LMTK2: variants seen among roughly 807,000 people sequenced by gnomAD.
The protein encoded by LMTK2 is serine/threonine-protein kinase LMTK2.
Under a neutral mutation model 127.5 loss-of-function variants are expected in LMTK2, and 37 were observed. That is an observed-to-expected ratio of 0.29 (90% CI 0.22 to 0.38). The LOEUF is 0.38. Among genes scored for constraint, LMTK2 ranks in the 10% least tolerant of loss-of-function variants. The pLI is 1.00. For synonymous variants in LMTK2, 819 were observed against 810.1 expected (o/e 1.01, Z -0.19); for missense variants, 1,694 against 1,920.3 (o/e 0.88, Z 2.20).
At chr7:98,158,686 C>A (rs930437692) in intron 5 of LMTK2, among the ~76,000 whole-genome samples, 1 of 152,034 alleles carries the variant, frequency 6.6e-6, no homozygotes, top group African/African-American at 2.4e-5. Flanking sequence ...TACAAGTAAT[C>A]TAGAGACTAT....
At chr7:98,177,685 C>G (rs1036014357) in intron 7 of LMTK2, among the ~76,000 whole-genome samples, 4 of 152,014 alleles carry the variant, frequency 2.6e-5, no homozygotes, top group Non-Finnish European at 5.9e-5. Flanking sequence ...CAGCCAGAGG[C>G]GTTTTCCCTA....
At chr7:98,145,295 A>G (rs2116376421) in intron 3 of LMTK2, among the ~76,000 whole-genome samples, 1 of 151,338 alleles carries the variant, frequency 6.6e-6, no homozygotes, top group African/African-American at 2.4e-5. Context: ...AAAAAAATCA[A>G]TCACACATAC....
At chr7:98,157,403 A>G (rs1584268954) in intron 5 of LMTK2, among the ~76,000 whole-genome samples, 1 of 152,152 alleles carries the variant, frequency 6.6e-6, no homozygotes, top group African/African-American at 2.4e-5. Context: ...ATACCTGGGC[A>G]CTATGGCCCA....
chr7:98,146,233 T>G (rs1276816963), intron 3 of LMTK2, among the ~76,000 whole-genome samples: 2 of 152,182 alleles, frequency 1.3e-5, no homozygotes, highest in Admixed American at 1.3e-4. Flanking sequence ...TAGCTTTGGT[T>G]TTATAGTAAG....
intron 11 of LMTK2, among the ~76,000 whole-genome samples, chr7:98,201,930 C>T (rs1194548019): frequency 6.6e-6 from 1 of 152,182 alleles, no homozygotes; most frequent in Non-Finnish European, 1.5e-5. Context: ...GTATTTATCC[C>T]GTTTTTGTTT....
intron 6 of LMTK2, among the ~76,000 whole-genome samples, chr7:98,168,385 C>T (rs1029174494): frequency 9.2e-5 from 14 of 152,196 alleles, no homozygotes; most frequent in African/African-American, 2.4e-4. Flanking sequence ...GGGAGGGAAG[C>T]GAGGCCCCGG....
intron 5 of LMTK2, among the ~76,000 whole-genome samples, chr7:98,158,084 A>C (rs1245087213): frequency 6.6e-6 from 1 of 152,244 alleles, no homozygotes; most frequent in Non-Finnish European, 1.5e-5. Flanking sequence ...ATTGTATCAA[A>C]ATAAAGGGTT....
intron 1 of LMTK2, among the ~76,000 whole-genome samples, chr7:98,116,998 T>TCATCA (rs1341172632): frequency 3.3e-5 from 5 of 152,360 alleles, no homozygotes; most frequent in South Asian, 2.1e-4. Context: ...AGTGCCATTC[T>TCATCA]CATCACATCA....
chr7:98,177,526 C>T (rs559603944), intron 7 of LMTK2, among the ~76,000 whole-genome samples: 20 of 152,264 alleles, frequency 1.3e-4, no homozygotes, highest in African/African-American at 3.1e-4. Flanking sequence ...GACAGGGTCT[C>T]GCTCTGTCAC....
rs1373150038 is a variant in LMTK2, at chr7:98,193,829, G to A, written c.3364G>A (p.Gly1122Arg). ...EPEKRSEEVP[G>R]TSPSALVLVQ... Reference sequence around the variant, plus strand: ...CGAGAAAAGGTCTGAGGAGGTCCCGGGAACCTCCCCATCCGCCTTGGTGTT... The same window carrying A: ...CGAGAAAAGGTCTGAGGAGGTCCCGAGAACCTCCCCATCCGCCTTGGTGTT... Residue 1122 changes from glycine to arginine, a missense_variant, in exon 11 of 14, where the codon GGA (glycine) becomes AGA (arginine). By Grantham distance (125) the Gly-to-Arg change is moderately radical. Around this residue, in one of 8 missense-constraint regions of LMTK2, gnomAD observed 554 missense variants for 567.7 expected, o/e 0.98. Transcript: ENST00000297293. The surrounding 1 kb of genome is among the most constrained non-coding windows in gnomAD (Gnocchi z 4.1). The A allele has an allele frequency of 1.1e-5, 17 of 1,613,860 alleles. No individual in the cohort carries two copies. Among genetic ancestry groups the A allele is most frequent in the Non-Finnish European group, 1.4e-5 (17 of 1,180,010 alleles).
At chr7:98,111,529 G>A (rs1281807451) in intron 1 of LMTK2, among the ~76,000 whole-genome samples, 1 of 152,156 alleles carries the variant, frequency 6.6e-6, no homozygotes, top group Non-Finnish European at 1.5e-5. Context: ...GGCTGCCGCT[G>A]GAATAGCTTA....
At chr7:98,148,273 T>A (rs1446308157) in intron 3 of LMTK2, among the ~76,000 whole-genome samples, 1 of 151,500 alleles carries the variant, frequency 6.6e-6, no homozygotes, top group African/African-American at 2.4e-5. Flanking sequence ...GTGGATCACC[T>A]GAGGTCAGGA....
Position 98,192,328 on chromosome 7 carries a change from C to T in LMTK2, c.1863C>T (p.Asp621=), listed in dbSNP as rs1278924784. The change falls in exon 11 of 14, where the codon GAC becomes GAT. Residue 621 remains aspartate, a synonymous_variant. Coordinates refer to ENST00000297293, the MANE Select transcript of LMTK2 (RefSeq NM_014916.4). ...CCAAAGACTCTAGCTTACCAGGGGACTTACACGTGACCAGTGGCCCCGAGA... is the reference window on the plus strand; with the variant it reads ...CCAAAGACTCTAGCTTACCAGGGGATTTACACGTGACCAGTGGCCCCGAGA... ...TDPKDSSLPG[D]LHVTSGPESP... is the part of the protein sequence containing the mutation. The T allele has an allele frequency of 5.7e-6, 9 of 1,566,404 alleles. No homozygotes were observed. In the South Asian group the frequency reaches 1.1e-4, roughly 19 times the overall value.
At chr7:98,109,644 T>C (rs2116310249) in intron 1 of LMTK2, among the ~76,000 whole-genome samples, 1 of 149,758 alleles carries the variant, frequency 6.7e-6, no homozygotes, top group East Asian at 2.0e-4. Flanking sequence ...TTTGGGAGGC[T>C]GAGGCAGGAA....
At chr7:98,122,698 G>T (rs1562896823) in intron 1 of LMTK2, among the ~76,000 whole-genome samples, 1 of 2,614 alleles carries the variant, frequency 3.8e-4, no homozygotes, top group Non-Finnish European at 6.5e-3. Flanking sequence ...GTGTGTGTGT[G>T]TGTGTGTGTG....
Position 98,204,018 on chromosome 7 carries a change from T to C in LMTK2, c.4315T>C (p.Ser1439Pro). The C allele has an allele frequency of 1.2e-6, 2 of 1,614,208 alleles. No homozygotes were observed. Among genetic ancestry groups the C allele is most frequent in the African/African-American group, 1.3e-5 (1 of 75,056 alleles). The change falls in exon 13 of 14, where the codon TCC (serine) becomes CCC (proline). Residue 1439 changes from serine (S) to proline (P), a missense_variant. By Grantham distance (74) the Ser-to-Pro change is moderately conservative. This residue lies in a region of LMTK2 where 554 missense variants were observed against 567.7 expected (regional missense o/e 0.98). Transcript: ENST00000297293. ...AAAGACAACAAGTAACCTGCTCAGC[T>C]CCAAGCCTTCTCTCCAAACATCCAA... Reference protein sequence around the residue: ...MSKTTSNLLSSKPSLQTSKYF... With the variant: ...MSKTTSNLLSPKPSLQTSKYF...
In LMTK2 at chr7:98,140,026, C is replaced by T. The variant is rs576709747; in HGVS notation, c.232-1371C>T. 1.8e-4 allele frequency among the ~76,000 whole-genome samples: 28 copies of T among 152,098 alleles called. 2 individuals carry two copies. In the South Asian group the frequency reaches 4.8e-3, roughly 26 times the overall value. On this transcript the variant is annotated intron_variant, in intron 2 of 13. Coordinates refer to ENST00000297293, the MANE Select transcript of LMTK2 (RefSeq NM_014916.4). ...GTATACCAGTTCACCAGAATGGTGA[C>T]GGAAGAATTGCGATAGCTTCCCACC...
chr7:98,152,981 AGATT>A (rs2116390174), intron 4 of LMTK2, among the ~76,000 whole-genome samples: 1 of 152,310 alleles, frequency 6.6e-6, no homozygotes, highest in African/African-American at 2.4e-5. Flanking sequence ...AGAGGCAGTC[AGATT>A]GACTGCTGAG....
intron 1 of LMTK2, among the ~76,000 whole-genome samples, chr7:98,124,337 T>C (rs1431900222): frequency 6.6e-6 from 1 of 152,196 alleles, no homozygotes; most frequent in Non-Finnish European, 1.5e-5. Flanking sequence ...GCCTCTTCAG[T>C]GCTCCGTTTC....
Sources: allele counts gnomAD v4.1 joint callset (sites outside exome capture counted in the v4.1 genomes callset), GRCh38; gene constraint gnomAD v4.1.1; regional missense constraint gnomAD v4.1.1; non-coding constraint Gnocchi (gnomAD v3.1); transcripts MANE v1.5; gene names NCBI Gene and HGNC (gene_info 2026-07-23, HGNC 2026-07-21).